The following WARS2 variants were observed in gnomAD, a reference collection of about 807,000 sequenced individuals.
The protein encoded by WARS2 is tryptophanyl tRNA synthetase 2, mitochondrial, also known as tryptophan--tRNA ligase, mitochondrial.
A neutral mutation model predicts 36.5 loss-of-function variants in WARS2; 28 were observed. The ratio of observed to expected loss-of-function variants is 0.77; its 90% CI spans 0.57 to 1.05. The LOEUF (loss-of-function observed/expected upper bound fraction) is 1.05. Ranked by LOEUF, WARS2 falls within the 50% of genes least tolerant of loss-of-function variation. WARS2 has a pLI of 0.00. For missense variants in WARS2, 435 were observed against 456.8 expected, an observed-to-expected ratio of 0.95 and a Z score of 0.44; for synonymous variants, 174 against 178.4, an observed-to-expected ratio of 0.98 and a Z score of 0.20.
chr1:119,078,700 C>T (rs1041494958), intron 1 of WARS2, among the ~76,000 whole-genome samples: 1 of 152,048 alleles, frequency 6.6e-6, no homozygotes, highest in South Asian at 2.1e-4. Context: ...ATTTCAGAAT[C>T]TGTACATATT....
chr1:119,095,683 G>A (rs375974752), intron 1 of WARS2, among the ~76,000 whole-genome samples: 7 of 152,142 alleles, frequency 4.6e-5, no homozygotes, highest in South Asian at 2.1e-4. Flanking sequence ...CACCTGCCTC[G>A]GCCTCCCAAA....
chr1:119,032,868 G>C lies in WARS2; in HGVS notation c.*43C>G. ...AAAGCTGCCGTTATCAGAATGCATG[G>C]AGTGCAAGGCACAAAAGCCTTGCTG... On this transcript the variant is annotated 3_prime_UTR_variant, in exon 6 of 6. Transcript: ENST00000235521. The C allele has an allele frequency of 6.5e-7, 1 of 1,527,164 alleles. No individual in the cohort carries two copies. The highest frequency in any genetic ancestry group is 8.9e-7 in the Non-Finnish European group (1 of 1,124,010). The allele number at this position is 1,527,164 out of a possible 1,614,324, so 94.6% of individuals were successfully genotyped here. A position where few individuals can be genotyped will look rare whatever the true frequency, so the allele number is the denominator to read the frequency against.
At chr1:119,033,813 T>C (rs1647651897) in intron 5 of WARS2, among the ~76,000 whole-genome samples, 1 of 152,242 alleles carries the variant, frequency 6.6e-6, no homozygotes, top group Non-Finnish European at 1.5e-5. Flanking sequence ...CTTCATAAAT[T>C]ATATACTACT....
chr1:119,043,791 A>G (rs1175748090), intron 3 of WARS2, among the ~76,000 whole-genome samples: 2 of 152,234 alleles, frequency 1.3e-5, no homozygotes, highest in Non-Finnish European at 2.9e-5. Context: ...GAGAGGGAAA[A>G]TGTGGAGAGC....
intron 4 of WARS2, among the ~76,000 whole-genome samples, chr1:119,041,214 A>T (rs12032374): frequency 0.13 from 19,417 of 152,212 alleles, 1,335 homozygotes; most frequent in East Asian, 0.2. Flanking sequence ...GGGGAAAGGG[A>T]TGCAAAAACA....
rs1406887431 is a variant in WARS2 at position 119,086,023 on chromosome 1, TA to T, written c.91-9417del. ...AAGGCAGTGTGGCACATACCCTGGCTAATTTTTTAAATTTCTCGTAGAGGCA... is the reference window on the plus strand; with the variant it reads ...AAGGCAGTGTGGCACATACCCTGGCTATTTTTTAAATTTCTCGTAGAGGCA... On this transcript the variant is annotated intron_variant, in intron 1 of 5. Transcript: ENST00000235521. 11 of 1,521,604 alleles carry T rather than the reference TA, an allele frequency of 7.2e-6. 1 individual carries two copies. Among genetic ancestry groups the T allele is most frequent in the South Asian group, 2.3e-5 (2 of 85,680 alleles). The allele number at this position is 1,521,604 out of a possible 1,614,324, so 94.3% of individuals were successfully genotyped here.
intron 1 of WARS2, among the ~76,000 whole-genome samples, chr1:119,093,079 T>G (rs1016313067): frequency 3.3e-5 from 5 of 152,202 alleles, no homozygotes; most frequent in African/African-American, 1.2e-4. Context: ...TATAAAATCC[T>G]TCATAATCTG....
chr1:119,126,795 T>C, intron 1 of WARS2: 1 of 739,406 alleles, frequency 1.4e-6, no homozygotes, highest in Non-Finnish European at 2.5e-6. Context: ...CTCTTTCCAG[T>C]CATTTGTCTG....
intron 2 of WARS2, among the ~76,000 whole-genome samples, chr1:119,051,275 T>A (rs1649326703): frequency 2.0e-5 from 3 of 152,192 alleles, no homozygotes; most frequent in South Asian, 4.1e-4. Context: ...TAAGTGAGAA[T>A]ATGTGGCATT....
At chr1:119,063,403 AC>A (rs1353109769) in intron 2 of WARS2, 1 of 152,156 alleles carries the variant, frequency 6.6e-6, no homozygotes, top group Non-Finnish European at 1.5e-5. Context: ...GAAAAGAGAA[AC>A]CAATTTTCTG....
chr1:119,080,224 G>C lies in WARS2; in HGVS notation c.91-3617C>G, dbSNP rs1351825846. Among the ~76,000 whole-genome samples, 3 of 152,246 alleles carry C rather than the reference G, an allele frequency of 2.0e-5. No individual in the cohort carries two copies. The East Asian group carries it at 5.8e-4, about 29-fold the overall frequency. On this transcript the variant is annotated intron_variant, in intron 1 of 5. Coordinates refer to ENST00000235521, the MANE Select transcript of WARS2 (RefSeq NM_015836.4). ...AAATACTTGACCTAGGAAGATAAGG[G>C]ACTGTTTATGGTAATGTAAAGGGTT...
At chr1:119,085,127 G>A in intron 1 of WARS2, 3 of 782,896 alleles carry the variant, frequency 3.8e-6, no homozygotes. Context: ...AACGCCCGTT[G>A]TACGGGCTAG....
intron 1 of WARS2, among the ~76,000 whole-genome samples, chr1:119,081,953 A>C (rs1652225548): frequency 6.6e-6 from 1 of 152,138 alleles, no homozygotes; most frequent in South Asian, 2.1e-4. Flanking sequence ...CTCACTCAGC[A>C]CCAAGAAAAA....
intron 1 of WARS2, among the ~76,000 whole-genome samples, chr1:119,081,836 G>A (rs762085575): frequency 1.8e-4 from 27 of 152,196 alleles, no homozygotes; most frequent in South Asian, 6.2e-4. Flanking sequence ...AAGACCCGGC[G>A]TGACACTGGT....
intron 1 of WARS2, among the ~76,000 whole-genome samples, chr1:119,091,052 G>C (rs1217330768): frequency 6.6e-6 from 1 of 152,148 alleles, no homozygotes; most frequent in African/African-American, 2.4e-5. Context: ...GATTTATTAA[G>C]TTCAGATATT....
chr1:119,043,815 G>T (rs1648570058), intron 3 of WARS2, among the ~76,000 whole-genome samples: 1 of 152,126 alleles, frequency 6.6e-6, no homozygotes, highest in African/African-American at 2.4e-5. Flanking sequence ...AATATTTATT[G>T]AGTGCCTATT....
intron 1 of WARS2, 115 bp from the exon 2 acceptor site, chr1:119,076,722 G>T: frequency 2.1e-6 from 3 of 1,428,218 alleles, no homozygotes; most frequent in Non-Finnish European, 2.8e-6. Context: ...CAATCTGACA[G>T]TCATCATCAT....
chr1:119,074,623 A>C (rs1193619181), intron 2 of WARS2, among the ~76,000 whole-genome samples: 1 of 152,240 alleles, frequency 6.6e-6, no homozygotes, highest in Non-Finnish European at 1.5e-5. Context: ...TTATCAAATT[A>C]TCTACAAGCT....
chr1:119,116,247 G>A (rs1339427239), intron 1 of WARS2, among the ~76,000 whole-genome samples: 1 of 152,138 alleles, frequency 6.6e-6, no homozygotes, highest in Non-Finnish European at 1.5e-5. Flanking sequence ...AGTGGAGGAG[G>A]CAACAATGAG....
Sources: gnomAD v4.1 joint callset for allele counts (sites outside exome capture counted in the v4.1 genomes callset) on GRCh38, gnomAD v4.1.1 for gene constraint, MANE v1.5 for transcripts, NCBI Gene and HGNC (gene_info 2026-07-23, HGNC 2026-07-21) for gene names.